The following ASTN2 variants were observed in gnomAD, a reference collection of about 807,000 sequenced individuals.
The protein encoded by ASTN2 is astrotactin 2.
Under a neutral mutation model 139.8 loss-of-function variants are expected in ASTN2, and 54 were observed. The observed-to-expected ratio is 0.39, with a 90% CI of 0.31 to 0.48. The LOEUF (loss-of-function observed/expected upper bound fraction) is 0.48. Among genes scored for constraint, ASTN2 ranks in the 20% least tolerant of loss-of-function variants. The pLI, the probability that ASTN2 is intolerant of heterozygous loss-of-function variation, is 0.95. For synonymous variants in ASTN2, 756 were observed against 719.5 expected, an observed-to-expected ratio of 1.05 and a Z score of -0.81; for missense variants, 1,565 against 1,725.1, an observed-to-expected ratio of 0.91 and a Z score of 1.64.
intron 3 of ASTN2, among the ~76,000 whole-genome samples, chr9:117,213,488 T>C (rs1022377950): frequency 1.3e-5 from 2 of 152,206 alleles, no homozygotes; most frequent in Admixed American, 6.5e-5. Flanking sequence ...TTTAAGATGA[T>C]TGATATACTA....
At chr9:117,066,762 A>G (rs574380882) in intron 5 of ASTN2, among the ~76,000 whole-genome samples, 177 of 152,112 alleles carry the variant, frequency 1.2e-3, no homozygotes, top group African/African-American at 4.0e-3. Flanking sequence ...GCCAGTGATG[A>G]TGAGCATTTT....
At chr9:116,927,089 G>A (rs2132445283) in intron 10 of ASTN2, among the ~76,000 whole-genome samples, 1 of 152,334 alleles carries the variant, frequency 6.6e-6, no homozygotes, top group African/African-American at 2.4e-5. Flanking sequence ...AGGCTAAGGA[G>A]GAGTACCAAA....
chr9:116,786,673 T>C (rs752294692), intron 13 of ASTN2, among the ~76,000 whole-genome samples: 11 of 152,202 alleles, frequency 7.2e-5, no homozygotes, highest in Non-Finnish European at 1.5e-4. Flanking sequence ...TGAATGTCTT[T>C]TATACTGTTT....
At chr9:117,314,758 T>A (rs969625596) in intron 1 of ASTN2, among the ~76,000 whole-genome samples, 3 of 145,808 alleles carry the variant, frequency 2.1e-5, no homozygotes, top group African/African-American at 7.5e-5. Flanking sequence ...TATAATTATA[T>A]GTAGTATTAT....
At position 117,177,480 on chromosome 9, in the gene ASTN2, G is replaced by T. The variant is rs115154097; in HGVS notation, c.1016-36002C>A. On this transcript the variant is annotated intron_variant, in intron 3 of 22. Transcript: ENST00000313400. ...ATCATCTCCAAGTAAGATGGTCCAG[G>T]TGTGTCTGGGACCTTAGAATTGTGT... 3.4e-3 allele frequency among the ~76,000 whole-genome samples: 518 copies of T among 152,270 alleles called. 2 individuals carry two copies. The highest frequency in any genetic ancestry group is 0.012 in the African/African-American group (500 of 41,554).
intron 1 of ASTN2, among the ~76,000 whole-genome samples, chr9:117,338,873 C>A (rs1284845342): frequency 6.6e-6 from 1 of 152,140 alleles, no homozygotes; most frequent in Non-Finnish European, 1.5e-5. Flanking sequence ...TGGGAACTCT[C>A]TTTTCTACCT....
chr9:117,016,605 TATATCTATATCTATCTATC>T (rs1415163721), intron 6 of ASTN2, among the ~76,000 whole-genome samples: 88 of 3,768 alleles, frequency 0.023, 2 homozygotes, highest in African/African-American at 0.047. Flanking sequence ...TATATATATC[TATATCTATATCTATCTATC>T]TATATATATA....
chr9:116,679,491 T>C (rs11793867), intron 16 of ASTN2, among the ~76,000 whole-genome samples: 11,397 of 152,180 alleles, frequency 0.075, 469 homozygotes, highest in East Asian at 0.15. Context: ...TAGTATATGT[T>C]ATCAGTAATA....
At chr9:116,805,563 G>T in intron 13 of ASTN2, 69 bp downstream of exon 13, 1 of 1,474,778 alleles carries the variant, frequency 6.8e-7, no homozygotes, top group Non-Finnish European at 9.4e-7. Flanking sequence ...TGTGCCCATG[G>T]CTTCCTCCCT....
At chr9:116,918,557 A>C (rs1834516117) in intron 10 of ASTN2, among the ~76,000 whole-genome samples, 2 of 152,076 alleles carry the variant, frequency 1.3e-5, no homozygotes, top group South Asian at 4.1e-4. Context: ...CTTCTTTCAA[A>C]CTTTTTTTTC....
chr9:116,941,990 A>C (rs1424665863), intron 10 of ASTN2, among the ~76,000 whole-genome samples: 1 of 5,096 alleles, frequency 2.0e-4, no homozygotes, highest in Non-Finnish European at 0.012. Flanking sequence ...TAGATAAGCT[A>C]AAAAAAAAAA....
chr9:116,877,629 GGA>G (rs1383212804), intron 10 of ASTN2, among the ~76,000 whole-genome samples: 5 of 152,090 alleles, frequency 3.3e-5, no homozygotes, highest in Non-Finnish European at 7.4e-5. Context: ...AGATTTCCCT[GGA>G]GAGTATGAGA....
chr9:117,224,829 C>G (rs1259189441), intron 2 of ASTN2, among the ~76,000 whole-genome samples: 1 of 152,132 alleles, frequency 6.6e-6, no homozygotes, highest in African/African-American at 2.4e-5. Context: ...CATGAGTTCT[C>G]TGAAACCTGC....
At chr9:116,510,252 G>A (rs370108835) in intron 19 of ASTN2, among the ~76,000 whole-genome samples, 7 of 152,094 alleles carry the variant, frequency 4.6e-5, no homozygotes, top group Non-Finnish European at 8.8e-5. Context: ...AGCACCATTT[G>A]TTAAATAGGG....
chr9:116,864,866 C>T lies in ASTN2; in HGVS notation c.1890-1133G>A, dbSNP rs115049656. 4.1e-3 allele frequency among the ~76,000 whole-genome samples: 625 copies of T among 152,302 alleles called. 3 individuals carry two copies. The highest frequency in any genetic ancestry group is 0.015 in the African/African-American group (605 of 41,552). On this transcript the variant is annotated intron_variant, in intron 10 of 22. Coordinates refer to ENST00000313400, the MANE Select transcript of ASTN2 (RefSeq NM_001365068.1). ...ATTCATTTCCTGCCTCCAGTCTTAT[C>T]CCTTCTGTCCCATCTTTCATACTGA...
At chr9:117,038,291 C>T (rs553687834) in intron 6 of ASTN2, among the ~76,000 whole-genome samples, 91 of 152,082 alleles carry the variant, frequency 6.0e-4, no homozygotes, top group Non-Finnish European at 1.0e-3. Flanking sequence ...ATCTCAAAAA[C>T]GTTCTATACA....
chr9:116,521,058 T>A (rs930190902), intron 19 of ASTN2, among the ~76,000 whole-genome samples: 1 of 152,142 alleles, frequency 6.6e-6, no homozygotes, highest in African/African-American at 2.4e-5. Flanking sequence ...AGAATCAATA[T>A]TATGAAAATG....
At chr9:116,496,001 C>T (rs1849657678) in intron 19 of ASTN2, among the ~76,000 whole-genome samples, 1 of 152,142 alleles carries the variant, frequency 6.6e-6, no homozygotes, top group Non-Finnish European at 1.5e-5. Flanking sequence ...TCCATGGAGC[C>T]TTCTTCCCCT....
intron 13 of ASTN2, among the ~76,000 whole-genome samples, chr9:116,761,642 T>G (rs1042095552): frequency 6.6e-6 from 1 of 151,706 alleles, no homozygotes; most frequent in African/African-American, 2.4e-5. Context: ...TCTGTAGAAA[T>G]GGGTGATAGC....
Sources: allele counts gnomAD v4.1 joint callset (sites outside exome capture counted in the v4.1 genomes callset), GRCh38; gene constraint gnomAD v4.1.1; transcripts MANE v1.5; gene names NCBI Gene and HGNC (gene_info 2026-07-23, HGNC 2026-07-21).